The following ADGRL3 variants were observed in gnomAD, a reference collection of about 807,000 sequenced individuals.
ADGRL3 encodes the protein adhesion G protein-coupled receptor L3.
A neutral mutation model predicts 153.5 loss-of-function variants in ADGRL3; 62 were observed. The ratio of observed to expected loss-of-function variants is 0.40; its 90% CI spans 0.33 to 0.50. The LOEUF (loss-of-function observed/expected upper bound fraction) is 0.50. Among genes scored for constraint, ADGRL3 ranks in the 20% least tolerant of loss-of-function variants. The pLI, the probability that ADGRL3 is intolerant of heterozygous loss-of-function variation, is 0.47. For missense variants in ADGRL3, 1,641 were observed against 1,859.4 expected (o/e 0.88, Z 2.16); for synonymous variants, 710 against 672.5 (o/e 1.06, Z -0.86).
At chr4:61,966,074 AAGAT>A (rs1203128920) in intron 17 of ADGRL3, among the ~76,000 whole-genome samples, 1 of 152,208 alleles carries the variant, frequency 6.6e-6, no homozygotes, top group Non-Finnish European at 1.5e-5. Context: ...GAATGTAAAA[AAGAT>A]AGTCTAATAA....
chr4:61,663,620 C>G (rs1473804579), intron 5 of ADGRL3, among the ~76,000 whole-genome samples: 1 of 152,140 alleles, frequency 6.6e-6, no homozygotes, highest in Non-Finnish European at 1.5e-5. Flanking sequence ...GGAATGAGCC[C>G]AGCAGGCCGG....
chr4:61,804,949 ATT>A (rs201606297), intron 8 of ADGRL3, among the ~76,000 whole-genome samples: 25 of 142,548 alleles, frequency 1.8e-4, no homozygotes, highest in African/African-American at 6.1e-4. Flanking sequence ...TTATTTATTT[ATT>A]TTTATTTATT....
At chr4:61,543,205 A>G (rs560984596) in intron 4 of ADGRL3, among the ~76,000 whole-genome samples, 2 of 140,802 alleles carry the variant, frequency 1.4e-5, no homozygotes, top group Non-Finnish European at 3.0e-5. Context: ...GAGAATTTCT[A>G]ATTTTACATG....
chr4:61,550,904 A>G (rs1402384754), intron 4 of ADGRL3, among the ~76,000 whole-genome samples: 2 of 152,100 alleles, frequency 1.3e-5, no homozygotes, highest in African/African-American at 4.8e-5. Context: ...TAATGGCTCT[A>G]CAAATCCAGG....
intron 25 of ADGRL3, among the ~76,000 whole-genome samples, chr4:62,055,525 A>G (rs1215163992): frequency 6.6e-6 from 1 of 151,848 alleles, no homozygotes; most frequent in Non-Finnish European, 1.5e-5. Flanking sequence ...AAAAATGATG[A>G]AAGAGTTCTT....
At chr4:61,513,597 A>G (rs2098475327) in intron 3 of ADGRL3, among the ~76,000 whole-genome samples, 1 of 152,182 alleles carries the variant, frequency 6.6e-6, no homozygotes, top group African/African-American at 2.4e-5. Flanking sequence ...AAGCAGAATG[A>G]AAGTGCTTAC....
At chr4:61,643,128 T>A (rs1220264094) in intron 5 of ADGRL3, among the ~76,000 whole-genome samples, 9 of 152,102 alleles carry the variant, frequency 5.9e-5, no homozygotes, top group Admixed American at 1.3e-4. Flanking sequence ...TGATTTTTGT[T>A]CATTGATTTT....
chr4:61,338,094 A>G (rs944653710), intron 1 of ADGRL3, among the ~76,000 whole-genome samples: 1 of 151,864 alleles, frequency 6.6e-6, no homozygotes, highest in Non-Finnish European at 1.5e-5. Flanking sequence ...GTGAAGCCCC[A>G]TCTCTACTAA....
chr4:61,614,412 T>C (rs973543887), intron 5 of ADGRL3, among the ~76,000 whole-genome samples: 3 of 152,202 alleles, frequency 2.0e-5, no homozygotes, highest in Non-Finnish European at 4.4e-5. Context: ...TCACTACTTA[T>C]TCTGTGTGCC....
At chr4:61,483,457 G>C (rs1045435392) in intron 2 of ADGRL3, among the ~76,000 whole-genome samples, 6 of 152,088 alleles carry the variant, frequency 3.9e-5, no homozygotes, top group Admixed American at 3.3e-4. Flanking sequence ...AAAATTAAAG[G>C]CCTGGCGCAG....
chr4:61,373,948 C>T lies in ADGRL3; in HGVS notation c.-239-9176C>T, dbSNP rs1486433315. Reference sequence around the variant, plus strand: ...AACATATAGACATAAAATATAAATACTTAAAAGTAATGTCCTCAAAAGGCA... The same window carrying T: ...AACATATAGACATAAAATATAAATATTTAAAAGTAATGTCCTCAAAAGGCA... On this transcript the variant is annotated intron_variant, in intron 1 of 26. Coordinates refer to ENST00000683033, the MANE Select transcript of ADGRL3 (RefSeq NM_001387552.1). Among the ~76,000 whole-genome samples, 3 of 152,186 alleles carry T rather than the reference C, an allele frequency of 2.0e-5. 1 individual carries two copies. In the South Asian group the frequency reaches 6.2e-4, roughly 32 times the overall value.
intron 8 of ADGRL3, among the ~76,000 whole-genome samples, chr4:61,813,257 G>C (rs537406254): frequency 6.2e-4 from 95 of 152,230 alleles, no homozygotes; most frequent in African/African-American, 2.2e-3. Flanking sequence ...AGATGGGCGT[G>C]GTGGCACACA....
chr4:61,904,146 G>C (rs868699375), intron 11 of ADGRL3, among the ~76,000 whole-genome samples: 1 of 144,082 alleles, frequency 6.9e-6, no homozygotes, highest in Admixed American at 7.1e-5. Context: ...GAGTTCCCAG[G>C]CTCTTTTGAA....
chr4:61,472,717 G>C (rs2097976737), intron 2 of ADGRL3, among the ~76,000 whole-genome samples: 1 of 152,000 alleles, frequency 6.6e-6, no homozygotes, highest in Non-Finnish European at 1.5e-5. Flanking sequence ...AGATTTGGCA[G>C]AAGTAATAGA....
At chr4:61,907,392 G>A (rs1050557549) in intron 11 of ADGRL3, among the ~76,000 whole-genome samples, 6 of 151,976 alleles carry the variant, frequency 3.9e-5, no homozygotes, top group Admixed American at 6.6e-5. Flanking sequence ...CCAAGTAGCT[G>A]GGACTACAGG....
chr4:61,659,897 C>CAAAAA (rs566191178), intron 5 of ADGRL3, among the ~76,000 whole-genome samples: 4 of 109,090 alleles, frequency 3.7e-5, no homozygotes, highest in East Asian at 3.0e-4. Flanking sequence ...GTGAAGATTA[C>CAAAAA]AAAAAAAAAA....
At chr4:61,283,173 A>G (rs905895374) in intron 1 of ADGRL3, among the ~76,000 whole-genome samples, 1 of 152,138 alleles carries the variant, frequency 6.6e-6, no homozygotes, top group African/African-American at 2.4e-5. Context: ...CTACAAGGCC[A>G]TGAATAATTG....
chr4:61,486,160 G>A (rs1210935214), intron 2 of ADGRL3, among the ~76,000 whole-genome samples: 1 of 151,978 alleles, frequency 6.6e-6, no homozygotes, highest in Non-Finnish European at 1.5e-5. Context: ...TAGCCAGGAT[G>A]GTCTCGATCT....
chr4:61,975,954 A>C (rs549983999), intron 17 of ADGRL3, among the ~76,000 whole-genome samples: 2 of 152,262 alleles, frequency 1.3e-5, no homozygotes, highest in Non-Finnish European at 2.9e-5. Context: ...AATATTTGAT[A>C]TCTTATCAAA....
Sources: allele counts gnomAD v4.1 joint callset (sites outside exome capture counted in the v4.1 genomes callset), GRCh38; gene constraint gnomAD v4.1.1; transcripts MANE v1.5; gene names NCBI Gene and HGNC (gene_info 2026-07-23, HGNC 2026-07-21).